The following VPS4B variants were observed in gnomAD, a reference collection of about 807,000 sequenced individuals.
The protein encoded by VPS4B is vacuolar protein sorting-associated protein 4B.
Under a neutral mutation model 56.1 loss-of-function variants are expected in VPS4B, and 23 were observed. The observed-to-expected ratio is 0.41, with a 90% confidence interval of 0.30 to 0.58. The LOEUF is 0.58. VPS4B is among the 20% of genes least tolerant of loss of function. The pLI is 0.29. For synonymous variants in VPS4B, 177 were observed against 186.0 expected (o/e 0.95, Z 0.39); for missense variants, 372 against 531.9 (o/e 0.70, Z 2.96).
At chr18:63,403,880 G>A in intron 4 of VPS4B, 54 bp from the exon 5 acceptor site, 1 of 1,552,904 alleles carries the variant, frequency 6.4e-7, no homozygotes, top group Non-Finnish European at 8.7e-7. Flanking sequence ...ACCAAAGTTA[G>A]AAGACAACAT....
intron 5 of VPS4B, among the ~76,000 whole-genome samples, chr18:63,402,927 T>C (rs1915843285): frequency 1.3e-5 from 2 of 152,180 alleles, no homozygotes; most frequent in African/African-American, 2.4e-5. Context: ...ACCAACATGT[T>C]TGCAAAAGGA....
intron 10 of VPS4B, among the ~76,000 whole-genome samples, chr18:63,393,009 G>A (rs978137505): frequency 2.6e-5 from 4 of 152,178 alleles, no homozygotes; most frequent in African/African-American, 7.2e-5. Flanking sequence ...GCCTCCCAAA[G>A]TGCTGGGATT....
chr18:63,393,682 T>A, intron 9 of VPS4B, 133 bp from the exon 10 acceptor site: 1 of 977,620 alleles, frequency 1.0e-6, no homozygotes, highest in Non-Finnish European at 1.4e-6. Flanking sequence ...GGAAAAAAAA[T>A]TAAGAATATA....
At chr18:63,394,754 C>T (rs575636737) in intron 9 of VPS4B, among the ~76,000 whole-genome samples, 19 of 152,282 alleles carry the variant, frequency 1.2e-4, no homozygotes, top group South Asian at 4.1e-4. Flanking sequence ...CGTGAGCCAC[C>T]GCGCCCAGCC....
At chr18:63,419,109 TTCCTCCTCCCTCACTTTTAA>T (rs1481854193) in intron 1 of VPS4B, among the ~76,000 whole-genome samples, 3 of 152,194 alleles carry the variant, frequency 2.0e-5, no homozygotes, top group Admixed American at 6.5e-5. Context: ...ACTCAGACTC[TTCCTCCTCCCTCACTTTTAA>T]AATGCAGATA....
intron 3 of VPS4B, among the ~76,000 whole-genome samples, chr18:63,409,504 T>C (rs1284911746): frequency 6.6e-6 from 1 of 152,176 alleles, no homozygotes; most frequent in Non-Finnish European, 1.5e-5. Context: ...TCTCATTTTC[T>C]TAAGGGTGTG....
intron 3 of VPS4B, among the ~76,000 whole-genome samples, chr18:63,409,573 T>C (rs1203495654): frequency 1.3e-5 from 2 of 152,244 alleles, no homozygotes; most frequent in Non-Finnish European, 2.9e-5. Context: ...GGTTAGAATA[T>C]GTTCCCAGTG....
chr18:63,409,773 A>G (rs1010525991), intron 3 of VPS4B, among the ~76,000 whole-genome samples: 1 of 152,364 alleles, frequency 6.6e-6, no homozygotes, highest in Non-Finnish European at 1.5e-5. Flanking sequence ...AAAATTTTGC[A>G]TAAGATATCC....
intron 1 of VPS4B, among the ~76,000 whole-genome samples, chr18:63,418,478 C>G (rs547078046): frequency 6.6e-6 from 1 of 151,850 alleles, no homozygotes; most frequent in South Asian, 2.1e-4. Context: ...GGTGTGATCA[C>G]GCCTCAGTGT....
chr18:63,421,400 G>T (rs181310584), intron 1 of VPS4B, among the ~76,000 whole-genome samples: 74 of 152,228 alleles, frequency 4.9e-4, no homozygotes, highest in African/African-American at 1.6e-3. Flanking sequence ...GTCCACGACG[G>T]GGACTCAATA....
At chr18:63,401,086 T>C (rs1471128799) in intron 5 of VPS4B, among the ~76,000 whole-genome samples, 1 of 152,194 alleles carries the variant, frequency 6.6e-6, no homozygotes, top group Non-Finnish European at 1.5e-5. Flanking sequence ...ACCAGAATAT[T>C]GTACAAAAAT....
intron 4 of VPS4B, 97 bp from the exon 5 acceptor site, chr18:63,403,923 A>G: frequency 1.4e-6 from 2 of 1,402,116 alleles, no homozygotes; most frequent in Non-Finnish European, 1.9e-6. Flanking sequence ...GCATTATAAA[A>G]TTGGGAAAGT....
At chr18:63,409,486 T>A (rs751863909) in intron 3 of VPS4B, among the ~76,000 whole-genome samples, 2 of 152,154 alleles carry the variant, frequency 1.3e-5, no homozygotes, top group Non-Finnish European at 2.9e-5. Flanking sequence ...GATAACTCCA[T>A]CCCAGAGTCT....
At chr18:63,421,105 C>A (rs192866327) in intron 1 of VPS4B, among the ~76,000 whole-genome samples, 7 of 151,578 alleles carry the variant, frequency 4.6e-5, no homozygotes, top group African/African-American at 1.7e-4. Context: ...TTGACTTATT[C>A]CACAAAATGA....
intron 9 of VPS4B, 28 bp from the exon 10 acceptor site, chr18:63,393,577 T>C: frequency 1.3e-6 from 2 of 1,535,976 alleles, no homozygotes; most frequent in Non-Finnish European, 8.8e-7. Context: ...CTGAAATATG[T>C]ATTTGAAACA....
At chr18:63,397,382 A>G in intron 8 of VPS4B, 129 bp from the exon 9 acceptor site, 1 of 835,128 alleles carries the variant, frequency 1.2e-6, no homozygotes, top group Non-Finnish European at 1.8e-6. Flanking sequence ...TTAAAGGGAT[A>G]ATATCCAGAA....
At chr18:63,420,234 G>A (rs1330472165) in intron 1 of VPS4B, among the ~76,000 whole-genome samples, 1 of 152,158 alleles carries the variant, frequency 6.6e-6, no homozygotes, top group Non-Finnish European at 1.5e-5. Context: ...ATCACTTGAG[G>A]TCAGGAGTTC....
At position 63,411,448 on chromosome 18, in the gene VPS4B, A is replaced by C. The variant is rs575249545; in HGVS notation, c.139+19T>G. ...TTTCCTTTTCGTGTTTTTAAATAAA[A>C]TATAACCTATGGCCTCACATTTAAC... is the stretch of plus-strand genomic sequence containing the variant. On this transcript the variant is annotated intron_variant, in intron 2 of 10. Transcript: ENST00000238497. 2.0e-6 allele frequency: 3 copies of C among 1,470,430 alleles called. No individual in the cohort carries two copies. The highest frequency in any genetic ancestry group is 2.8e-5 in the South Asian group (2 of 70,308). The allele number at this position is 1,470,430 out of a possible 1,614,324, so 91.1% of individuals were successfully genotyped here.
rs1915859074 is a variant in VPS4B at position 63,403,701 on chromosome 18, T to C, written c.484+6A>G. 1.3e-6 allele frequency: 2 copies of C among 1,599,170 alleles called. No homozygotes were observed. The highest frequency in any genetic ancestry group is 1.3e-5 in the African/African-American group (1 of 74,304). On this transcript the variant is annotated splice_donor_region_variant and intron_variant, in intron 5 of 10. Transcript: ENST00000238497. ...ATGAAATAAAATTATTTAAAAGTTA[T>C]GTCACCTGTAAAAAGATGAGGAAAT...
Sources: allele counts gnomAD v4.1 joint callset (sites outside exome capture counted in the v4.1 genomes callset), GRCh38; gene constraint gnomAD v4.1.1; transcripts MANE v1.5; gene names NCBI Gene and HGNC (gene_info 2026-07-23, HGNC 2026-07-21).